RP1: variants seen among roughly 807,000 people sequenced by gnomAD.
RP1 encodes RP1 axonemal microtubule associated.
A neutral mutation model predicts 14.8 loss-of-function variants in RP1; 16 were observed. That is an observed-to-expected ratio of 1.08 (90% CI 0.73 to 1.65). RP1 has a LOEUF of 1.65. RP1 is among the 40% of genes most tolerant of loss of function. RP1 has a pLI of 0.00. For synonymous variants in RP1, 876 were observed against 883.6 expected (o/e 0.99, Z 0.15); for missense variants, 2,631 against 2,535.0 (o/e 1.04, Z -0.81).
At chr8:54,740,079 T>C (rs911992607) in intron 19 of RP1, among the ~76,000 whole-genome samples, 4 of 148,670 alleles carry the variant, frequency 2.7e-5, no homozygotes, top group African/African-American at 9.8e-5. Context: ...ATATTTTATA[T>C]ATATACATAT....
At chr8:54,607,669 C>T (rs1805487657) in intron 1 of RP1, among the ~76,000 whole-genome samples, 1 of 152,180 alleles carries the variant, frequency 6.6e-6, no homozygotes, top group African/African-American at 2.4e-5. Context: ...AGGCAGGCCT[C>T]CTTGAGCTGC....
rs184084056 is a variant in RP1, at chr8:54,862,601, C to T, written c.4070-3234C>T. On this transcript the variant is annotated intron_variant, in intron 27 of 28. Transcript: ENST00000637698. ...ACAGGTAACAGCCGCAAAGAGAGAG[C>T]CATTCCCAGCCAGCCATCAGGGACC... is the stretch of plus-strand genomic sequence containing the variant. Among the ~76,000 whole-genome samples, 172 of 152,232 alleles carry T rather than the reference C, an allele frequency of 1.1e-3. 1 individual carries two copies. The highest frequency in any genetic ancestry group is 1.9e-3 in the Non-Finnish European group (130 of 68,006).
intron 15 of RP1, among the ~76,000 whole-genome samples, chr8:54,715,206 G>A (rs1379387167): frequency 6.6e-6 from 1 of 152,202 alleles, no homozygotes; most frequent in Non-Finnish European, 1.5e-5. Flanking sequence ...TAGATGTTAT[G>A]GTAGCTTGCA....
At chr8:54,707,631 C>G (rs1338458835) in intron 15 of RP1, among the ~76,000 whole-genome samples, 1 of 152,190 alleles carries the variant, frequency 6.6e-6, no homozygotes, top group Non-Finnish European at 1.5e-5. Flanking sequence ...TCCGCCCTCT[C>G]CCTTCTTACC....
exon 17 of RP1, chr8:54,726,400 G>A: frequency 6.5e-7 from 1 of 1,534,066 alleles, no homozygotes; most frequent in Non-Finnish European, 8.7e-7. Context: ...AAGAAGAAAA[G>A]ATCCATGAGT....
At position 54,616,178 on chromosome 8, in the gene RP1, T is replaced by C. The variant is rs769599875; in HGVS notation, c.-37T>C. The C allele has an allele frequency of 3.3e-5, 5 of 152,244 alleles. No homozygotes were observed. The highest frequency in any genetic ancestry group is 5.9e-5 in the Non-Finnish European group (4 of 68,042). The allele number at this position is 152,244 out of a possible 1,614,324, so 9.4% of individuals were successfully genotyped here. ...ACAACTTAAACATCTTTTTCTTTTCTTAATAAGGGACGTTTCAAGTTGTGG... is the reference window on the plus strand; with the variant it reads ...ACAACTTAAACATCTTTTTCTTTTCCTAATAAGGGACGTTTCAAGTTGTGG... On this transcript the variant is annotated 5_prime_UTR_variant, in exon 1 of 4. Transcript: ENST00000220676.
At chr8:54,690,495 G>T (rs915462532) in intron 12 of RP1, among the ~76,000 whole-genome samples, 5 of 151,974 alleles carry the variant, frequency 3.3e-5, no homozygotes, top group Admixed American at 2.6e-4. Context: ...AAATGGATGT[G>T]CTCTAAATTG....
intron 24 of RP1, among the ~76,000 whole-genome samples, chr8:54,823,996 G>A (rs957516181): frequency 2.0e-5 from 3 of 152,126 alleles, no homozygotes; most frequent in African/African-American, 7.2e-5. Context: ...AAGTTGTGCA[G>A]TGATATCTCA....
intron 24 of RP1, among the ~76,000 whole-genome samples, chr8:54,828,296 A>C (rs1811433916): frequency 6.6e-6 from 1 of 152,100 alleles, no homozygotes; most frequent in Non-Finnish European, 1.5e-5. Context: ...TTGAAATCTG[A>C]CCCCCAGGGT....
At chr8:54,747,690 C>A (rs1809261562) in intron 19 of RP1, among the ~76,000 whole-genome samples, 2 of 152,218 alleles carry the variant, frequency 1.3e-5, no homozygotes, top group Non-Finnish European at 2.9e-5. Context: ...CTCTTGAGCC[C>A]AGGAGTTCAA....
At chr8:54,796,001 C>A (rs918764939) in intron 24 of RP1, among the ~76,000 whole-genome samples, 3 of 152,106 alleles carry the variant, frequency 2.0e-5, no homozygotes, top group Non-Finnish European at 2.9e-5. Context: ...TCTCATCATT[C>A]TATTTAAACC....
intron 3 of RP1, among the ~76,000 whole-genome samples, chr8:54,624,464 A>G (rs1252131049): frequency 6.7e-6 from 1 of 150,328 alleles, no homozygotes; most frequent in East Asian, 1.9e-4. Context: ...AAAAAAAAAA[A>G]AAAGAAAAAA....
intron 21 of RP1, chr8:54,758,825 G>T: frequency 1.6e-6 from 2 of 1,275,942 alleles, no homozygotes; most frequent in Non-Finnish European, 2.2e-6. Flanking sequence ...GTATTGTGCT[G>T]CTTCTGGCAG....
At chr8:54,756,681 G>A (rs1034378006) in intron 21 of RP1, among the ~76,000 whole-genome samples, 8 of 152,158 alleles carry the variant, frequency 5.3e-5, no homozygotes, top group South Asian at 2.1e-4. Flanking sequence ...AGTGATCAGC[G>A]AAGTGATCTC....
chr8:54,765,381 T>C (rs1041133994), intron 22 of RP1, among the ~76,000 whole-genome samples: 4 of 152,210 alleles, frequency 2.6e-5, no homozygotes, highest in Admixed American at 6.5e-5. Context: ...CTGAGCCTTA[T>C]ACAGAACAGG....
intron 24 of RP1, among the ~76,000 whole-genome samples, chr8:54,812,304 C>A (rs943010143): frequency 5.3e-5 from 8 of 152,138 alleles, no homozygotes; most frequent in Non-Finnish European, 1.0e-4. Flanking sequence ...TCATGCCTGG[C>A]TGATTTTTGT....
intron 3 of RP1, among the ~76,000 whole-genome samples, chr8:54,647,538 T>C (rs1362050638): frequency 6.6e-6 from 1 of 152,180 alleles, no homozygotes; most frequent in Non-Finnish European, 1.5e-5. Flanking sequence ...GCAAATACAT[T>C]TTAGTTCAAA....
At chr8:54,685,389 T>G (rs147538983) in intron 12 of RP1, among the ~76,000 whole-genome samples, 1 of 152,314 alleles carries the variant, frequency 6.6e-6, no homozygotes, top group Non-Finnish European at 1.5e-5. Flanking sequence ...ATTTCTTGAT[T>G]TCTGCCTTAA....
intron 24 of RP1, among the ~76,000 whole-genome samples, chr8:54,803,924 T>G (rs1810778994): frequency 6.6e-6 from 1 of 151,762 alleles, no homozygotes. Flanking sequence ...AAAAATTAGC[T>G]GGGCCTGGTG....
Sources: gnomAD v4.1 joint callset for allele counts (sites outside exome capture counted in the v4.1 genomes callset) on GRCh38, gnomAD v4.1.1 for gene constraint, MANE v1.5 for transcripts, NCBI Gene and HGNC (gene_info 2026-07-23, HGNC 2026-07-21) for gene names.